ADAMTS3: variants seen among roughly 807,000 people sequenced by gnomAD.
ADAMTS3 encodes A disintegrin and metalloproteinase with thrombospondin motifs 3.
In ADAMTS3, 73 loss-of-function variants were observed where a neutral mutation model predicts 129.0. That is an observed-to-expected ratio of 0.57 (90% CI 0.47 to 0.69). The LOEUF is 0.69. ADAMTS3 is among the 30% of genes least tolerant of loss of function. The pLI is 0.00. For missense variants in ADAMTS3, 1,457 were observed against 1,514.5 expected (o/e 0.96, Z 0.63); for synonymous variants, 477 against 510.8 (o/e 0.93, Z 0.89).
chr4:72,351,696 T>C (rs1316529001), intron 4 of ADAMTS3, among the ~76,000 whole-genome samples: 1 of 151,894 alleles, frequency 6.6e-6, no homozygotes, highest in Non-Finnish European at 1.5e-5. Flanking sequence ...AAAAAAGTGC[T>C]TGTTAACTAA....
chr4:72,540,690 G>A (rs1721298938), intron 3 of ADAMTS3, among the ~76,000 whole-genome samples: 1 of 152,176 alleles, frequency 6.6e-6, no homozygotes, highest in South Asian at 2.1e-4. Flanking sequence ...CTGCATCCCA[G>A]CTGCTCCAGC....
At chr4:72,469,821 T>C (rs1049662537) in intron 3 of ADAMTS3, among the ~76,000 whole-genome samples, 4 of 152,182 alleles carry the variant, frequency 2.6e-5, no homozygotes, top group East Asian at 1.9e-4. Flanking sequence ...CCCTTCCTTA[T>C]GACTTTCTTA....
intron 3 of ADAMTS3, among the ~76,000 whole-genome samples, chr4:72,475,530 G>T (rs1302923679): frequency 1.3e-5 from 2 of 151,824 alleles, no homozygotes; most frequent in Non-Finnish European, 2.9e-5. Context: ...TGATAAAATT[G>T]AAAGAAGAAA....
At chr4:72,479,176 A>C (rs1719346170) in intron 3 of ADAMTS3, among the ~76,000 whole-genome samples, 1 of 152,224 alleles carries the variant, frequency 6.6e-6, no homozygotes, top group Non-Finnish European at 1.5e-5. Flanking sequence ...CTTTCTTCAC[A>C]GAATTGGAAA....
At chr4:72,452,262 G>A (rs548088984) in intron 3 of ADAMTS3, among the ~76,000 whole-genome samples, 3 of 151,428 alleles carry the variant, frequency 2.0e-5, no homozygotes, top group East Asian at 3.9e-4. Context: ...CAATAGACAT[G>A]TTATAATACG....
At position 72,436,511 on chromosome 4, in the gene ADAMTS3, T is replaced by C. The variant is rs1301057618; in HGVS notation, c.505-21540A>G. Among the ~76,000 whole-genome samples, 4 of 152,148 alleles carry C rather than the reference T, an allele frequency of 2.6e-5. No homozygotes were observed. The East Asian group carries it at 5.8e-4, about 22-fold the overall frequency. On this transcript the variant is annotated intron_variant, in intron 3 of 21. Transcript: ENST00000286657. ...CCCAGCCATCCCATTACTGGGTATA[T>C]ACCCAAAGGAATATAAATCATGCTG... is the stretch of plus-strand genomic sequence containing the variant.
At chr4:72,488,151 T>TTTTA (rs1281415021) in intron 3 of ADAMTS3, among the ~76,000 whole-genome samples, 1 of 152,010 alleles carries the variant, frequency 6.6e-6, no homozygotes, top group Non-Finnish European at 1.5e-5. Context: ...AACGTGGCAA[T>TTTTA]GTAAAGGCCT....
At chr4:72,434,138 G>A (rs1170580924) in intron 3 of ADAMTS3, among the ~76,000 whole-genome samples, 2 of 151,654 alleles carry the variant, frequency 1.3e-5, no homozygotes, top group Admixed American at 1.3e-4. Context: ...TCTGCACCCT[G>A]AGATTCACAG....
At chr4:72,493,620 G>T (rs555783932) in intron 3 of ADAMTS3, among the ~76,000 whole-genome samples, 1 of 152,038 alleles carries the variant, frequency 6.6e-6, no homozygotes, top group South Asian at 2.1e-4. Context: ...AGTAATTTAT[G>T]CACCACTTTG....
chr4:72,425,569 G>T (rs1308628281), intron 3 of ADAMTS3, among the ~76,000 whole-genome samples: 5 of 152,064 alleles, frequency 3.3e-5, no homozygotes, highest in Non-Finnish European at 5.9e-5. Flanking sequence ...CCATCTATGA[G>T]TGAGAACATG....
chr4:72,327,147 C>T (rs1469861823), intron 5 of ADAMTS3, among the ~76,000 whole-genome samples: 1 of 152,002 alleles, frequency 6.6e-6, no homozygotes. Context: ...TTTAAAATGT[C>T]ATCTGATTAC....
chr4:72,415,600 A>ATT (rs1245275854), intron 3 of ADAMTS3, among the ~76,000 whole-genome samples: 11 of 151,920 alleles, frequency 7.2e-5, no homozygotes, highest in African/African-American at 2.2e-4. Flanking sequence ...TAACTTTAAT[A>ATT]TTATATATAT....
chr4:72,287,971 T>C (rs568781898), intron 21 of ADAMTS3, among the ~76,000 whole-genome samples: 1 of 152,308 alleles, frequency 6.6e-6, no homozygotes, highest in East Asian at 1.9e-4. Flanking sequence ...GTTCAAGCAA[T>C]TCTCCTGCCT....
intron 2 of ADAMTS3, among the ~76,000 whole-genome samples, chr4:72,556,838 C>T (rs1331004357): frequency 4.0e-5 from 6 of 151,744 alleles, no homozygotes; most frequent in Non-Finnish European, 8.8e-5. Context: ...TTATCATCAC[C>T]TCTAACTAGA....
chr4:72,482,995 C>T (rs77074386), intron 3 of ADAMTS3, among the ~76,000 whole-genome samples: 6,926 of 152,208 alleles, frequency 0.046, 188 homozygotes, highest in African/African-American at 0.059. Flanking sequence ...AATTAGAAGG[C>T]CAGTTCCCCA....
At chr4:72,406,948 C>T (rs962519929) in intron 4 of ADAMTS3, among the ~76,000 whole-genome samples, 11 of 152,010 alleles carry the variant, frequency 7.2e-5, no homozygotes, top group African/African-American at 2.7e-4. Flanking sequence ...CAAAATGATA[C>T]CCTGCAGAGA....
At chr4:72,324,822 G>C (rs1292325888) in intron 5 of ADAMTS3, among the ~76,000 whole-genome samples, 1 of 152,156 alleles carries the variant, frequency 6.6e-6, no homozygotes, top group Non-Finnish European at 1.5e-5. Context: ...CCTGAGAAGA[G>C]CTAACAGCAA....
intron 4 of ADAMTS3, among the ~76,000 whole-genome samples, chr4:72,409,137 A>G (rs985862419): frequency 6.6e-6 from 1 of 152,192 alleles, no homozygotes; most frequent in Non-Finnish European, 1.5e-5. Flanking sequence ...CAGAGTCAAA[A>G]TGTACTCAAA....
intron 4 of ADAMTS3, among the ~76,000 whole-genome samples, chr4:72,353,908 A>C (rs1232884994): frequency 6.6e-6 from 1 of 151,828 alleles, no homozygotes; most frequent in Non-Finnish European, 1.5e-5. Context: ...ACTGTTGTGG[A>C]GTTTGCCTAA....
Sources: allele counts gnomAD v4.1 joint callset (sites outside exome capture counted in the v4.1 genomes callset), GRCh38; gene constraint gnomAD v4.1.1; transcripts MANE v1.5; gene names NCBI Gene and HGNC (gene_info 2026-07-23, HGNC 2026-07-21).